The following H6PD variants were observed in gnomAD, a reference collection of about 807,000 sequenced individuals.
H6PD encodes GDH/6PGL endoplasmic bifunctional protein.
H6PD carries 48 observed loss-of-function variants against 61.2 expected under a neutral mutation model. That is an observed-to-expected ratio of 0.78 (90% CI 0.62 to 1.00). The LOEUF (loss-of-function observed/expected upper bound fraction) is 1.00. Among genes scored for constraint, H6PD ranks in the 50% least tolerant of loss-of-function variants. H6PD has a pLI of 0.00. For missense variants in H6PD, 1,093 were observed against 1,065.0 expected, an observed-to-expected ratio of 1.03 and a Z score of -0.37; for synonymous variants, 480 against 457.9, an observed-to-expected ratio of 1.05 and a Z score of -0.62.
At chr1:9,240,861 G>A (rs1454827573) in intron 1 of H6PD, among the ~76,000 whole-genome samples, 1 of 152,200 alleles carries the variant, frequency 6.6e-6, no homozygotes, top group East Asian at 1.9e-4. Flanking sequence ...GAGCCGTGCA[G>A]CATGAGGAGG....
intron 1 of H6PD, chr1:9,239,877 C>G: frequency 1.7e-6 from 1 of 581,440 alleles, no homozygotes. Flanking sequence ...AGCTTCAGCA[C>G]AGGCTGGGTC....
chr1:9,258,723 T>G (rs1284778285), intron 3 of H6PD, among the ~76,000 whole-genome samples: 6 of 152,094 alleles, frequency 3.9e-5, no homozygotes, highest in Admixed American at 1.3e-4. Flanking sequence ...TACACCGGTG[T>G]TGTTATGTTG....
Position 9,259,420 on chromosome 1 carries a change from G to A in H6PD, c.746-2639G>A, listed in dbSNP as rs117973952. 6.8e-4 allele frequency among the ~76,000 whole-genome samples: 104 copies of A among 152,306 alleles called. No individual in the cohort carries two copies. The East Asian group carries it at 0.015, about 22-fold the overall frequency. ...ACTGGTGGTGGTGTTACAACAACTT[G>A]TTGTTACACCAGTGTTATGTTGCTG... On this transcript the variant is annotated intron_variant, in intron 3 of 4. Coordinates refer to ENST00000377403, the MANE Select transcript of H6PD (RefSeq NM_004285.4).
chr1:9,259,209 C>T (rs944171890), intron 3 of H6PD, among the ~76,000 whole-genome samples: 2 of 151,970 alleles, frequency 1.3e-5, no homozygotes, highest in African/African-American at 4.8e-5. Flanking sequence ...AGGATGGTCT[C>T]GATCTCCTGA....
chr1:9,240,839 CCTT>C (rs1215569718), intron 1 of H6PD, among the ~76,000 whole-genome samples: 1 of 152,148 alleles, frequency 6.6e-6, no homozygotes, highest in African/African-American at 2.4e-5. Flanking sequence ...CAGAAGAAAA[CCTT>C]CTGAAGCAGA....
chr1:9,265,012 A>G lies in H6PD; in HGVS notation c.*143A>G. 1 of 864,752 alleles carries G rather than the reference A, an allele frequency of 1.2e-6. No individual in the cohort carries two copies. The highest frequency in any genetic ancestry group is 1.9e-6 in the Non-Finnish European group (1 of 535,432). 53.6% of individuals were successfully genotyped at this position (864,752 alleles called of 1,614,324 possible). On this transcript the variant is annotated 3_prime_UTR_variant, in exon 5 of 5. Transcript: ENST00000377403. ...ACAGTCAGGCCCCAGAGAGGGCAGG[A>G]CAAGCCTTGTCCCGATGCCTTTGAC...
At position 9,245,216 on chromosome 1, in the gene H6PD, CTG is replaced by C; in HGVS notation, c.285_286del (p.Ala96ArgfsTer54). The C allele has an allele frequency of 6.2e-7, 1 of 1,614,228 alleles. No homozygotes were observed. Among genetic ancestry groups the C allele is most frequent in the Non-Finnish European group, 8.5e-7 (1 of 1,180,026 alleles). On this transcript the variant is annotated frameshift_variant, in exon 2 of 5. Coordinates refer to ENST00000377403, the MANE Select transcript of H6PD (RefSeq NM_004285.4). LOFTEE classifies it high-confidence loss of function. This position sits in a 1 kb window ranked among gnomAD's most constrained non-coding sequence, Gnocchi z 4.8. ...GCCCCAAGGACATGGCACCCAGTCACTGTGCAGAGCACAAGGATCAGTTCCTG... is the reference window on the plus strand; with the variant it reads ...GCCCCAAGGACATGGCACCCAGTCACTGCAGAGCACAAGGATCAGTTCCTG... ...SCPKDMAPSH[C>X]AEHKDQFLQL...
intron 3 of H6PD, among the ~76,000 whole-genome samples, chr1:9,248,211 G>T (rs890814603): frequency 2.6e-5 from 4 of 152,244 alleles, no homozygotes; most frequent in Non-Finnish European, 5.9e-5. Context: ...CCCGCCACAG[G>T]GCAGGGCCCA....
In H6PD at chr1:9,263,949, T is replaced by C. The variant is rs145657221; in HGVS notation, c.1456T>C (p.Trp486Arg). The C allele has an allele frequency of 4.3e-6, 7 of 1,614,086 alleles. No homozygotes were observed. In the African/African-American group the frequency reaches 5.3e-5, roughly 12 times the overall value. ...TENLLASWNF[W>R]TPLLESLAHK... ...GAACTTGCTGGCCTCCTGGAACTTC[T>C]GGACCCCTCTGCTGGAGAGCCTGGC... The change falls in exon 5 of 5, where the codon TGG (tryptophan) becomes CGG (arginine). Residue 486 changes from tryptophan (W) to arginine (R), a missense_variant. Physicochemically the swap from Trp to Arg is moderately radical, Grantham distance 101 (BLOSUM62 -3). Transcript: ENST00000377403.
chr1:9,243,480 G>A (rs980198140), intron 1 of H6PD, among the ~76,000 whole-genome samples: 7 of 152,080 alleles, frequency 4.6e-5, no homozygotes, highest in South Asian at 2.1e-4. Context: ...CATTTCCACC[G>A]TGGATTTCTG....
intron 3 of H6PD, among the ~76,000 whole-genome samples, 177 bp downstream of exon 3, chr1:9,247,260 A>G (rs556710384): frequency 6.6e-6 from 1 of 152,320 alleles, no homozygotes; most frequent in South Asian, 2.1e-4. Flanking sequence ...GCAAAGCCCA[A>G]GTAGCCATTG....
chr1:9,257,821 T>C (rs1351757593), intron 3 of H6PD, among the ~76,000 whole-genome samples: 1 of 152,204 alleles, frequency 6.6e-6, no homozygotes, highest in Non-Finnish European at 1.5e-5. Flanking sequence ...AAATGATGGC[T>C]CCTCGTGTCT....
rs748376913 is a variant in H6PD, at chr1:9,264,050, G to A, written c.1557G>A (p.Arg519=). Residue 519 remains arginine (R), a synonymous_variant, in exon 5 of 5, where the codon CGG becomes CGA. Transcript: ENST00000377403. The part of the protein sequence containing the change: ...RLLDFEFSSG[R]LFFSQQQPEQ... Reference sequence around the variant, plus strand: ...TGGACTTTGAGTTCAGTAGCGGCCGGTTGTTCTTTTCCCAGCAGCAGCCGG... The same window carrying A: ...TGGACTTTGAGTTCAGTAGCGGCCGATTGTTCTTTTCCCAGCAGCAGCCGG... 16 of 1,614,190 alleles carry A rather than the reference G, an allele frequency of 9.9e-6. No individual in the cohort carries two copies. Among genetic ancestry groups the A allele is most frequent in the Non-Finnish European group, 1.3e-5 (15 of 1,180,046 alleles).
At position 9,245,459 on chromosome 1, in the gene H6PD, C is replaced by T. The variant is rs778316844; in HGVS notation, c.525C>T (p.Pro175=). 1.9e-6 allele frequency: 3 copies of T among 1,614,032 alleles called. No homozygotes were observed. The highest frequency in any genetic ancestry group is 1.7e-6 in the Non-Finnish European group (2 of 1,180,016). The change falls in exon 2 of 5, where the codon CCC becomes CCT. Residue 175 remains proline, a synonymous_variant. Coordinates refer to ENST00000377403, the MANE Select transcript of H6PD (RefSeq NM_004285.4). The surrounding 1 kb of genome is among the most constrained non-coding windows in gnomAD (Gnocchi z 4.8). ...GGCTGCGGGTTGTCCTTGAGAAACC[C>T]TTTGGCCATGACCACTTCTCAGCCC... is the stretch of plus-strand genomic sequence containing the variant. ...GAWLRVVLEK[P]FGHDHFSAQQ...
At chr1:9,239,530 A>G (rs1640937518) in intron 1 of H6PD, among the ~76,000 whole-genome samples, 1 of 152,232 alleles carries the variant, frequency 6.6e-6, no homozygotes, top group Non-Finnish European at 1.5e-5. Flanking sequence ...AAAAACAGAC[A>G]AAAAACAACA....
chr1:9,252,304 A>G (rs527598642), intron 3 of H6PD, among the ~76,000 whole-genome samples: 16 of 152,292 alleles, frequency 1.1e-4, no homozygotes, highest in Non-Finnish European at 1.3e-4. Flanking sequence ...CACAACATAT[A>G]CCTTTTAATA....
At chr1:9,251,118 A>G (rs1010204304) in intron 3 of H6PD, among the ~76,000 whole-genome samples, 1 of 152,180 alleles carries the variant, frequency 6.6e-6, no homozygotes, top group African/African-American at 2.4e-5. Flanking sequence ...AGCATGGGCC[A>G]TAAAAGGAGA....
chr1:9,263,622 G>A lies in H6PD; in HGVS notation c.1129G>A (p.Ala377Thr), dbSNP rs1167475760. The A allele has an allele frequency of 2.5e-6, 4 of 1,614,216 alleles. No individual in the cohort carries two copies. Among genetic ancestry groups the A allele is most frequent in the Non-Finnish European group, 3.4e-6 (4 of 1,180,034 alleles). The change falls in exon 5 of 5, where the codon GCC becomes ACC. Residue 377 changes from alanine (A) to threonine (T), a missense_variant. Transcript: ENST00000377403. The part of the protein sequence containing the change: ...GYARILFKNQ[A>T]CCVQSEKHWA... ...CGCTCGGATCTTGTTCAAGAACCAG[G>A]CCTGCTGTGTGCAGAGCGAAAAGCA...
rs951730056 is a variant in H6PD, at chr1:9,266,737, A to G, written c.*1868A>G. On this transcript the variant is annotated 3_prime_UTR_variant, in exon 5 of 5. Coordinates refer to ENST00000377403, the MANE Select transcript of H6PD (RefSeq NM_004285.4). Reference sequence around the variant, plus strand: ...AGAGGAATCCTGGCTTTCATTTTCAATGCCAGTCTGAGACATGTTCCCAAG... The same window carrying G: ...AGAGGAATCCTGGCTTTCATTTTCAGTGCCAGTCTGAGACATGTTCCCAAG... 4 of 152,132 alleles carry G rather than the reference A, an allele frequency of 2.6e-5. No homozygotes were observed. Among genetic ancestry groups the G allele is most frequent in the East Asian group, 1.9e-4 (1 of 5,190 alleles). The allele number at this position is 152,132 out of a possible 1,614,324, so 9.4% of individuals were successfully genotyped here.
Sources: gnomAD v4.1 joint callset for allele counts (sites outside exome capture counted in the v4.1 genomes callset) on GRCh38, gnomAD v4.1.1 for gene constraint, Gnocchi (gnomAD v3.1) non-coding constraint, MANE v1.5 for transcripts, NCBI Gene and HGNC (gene_info 2026-07-23, HGNC 2026-07-21) for gene names.